PTPRD: variants seen among roughly 807,000 people sequenced by gnomAD.
PTPRD encodes receptor-type tyrosine-protein phosphatase delta.
Under a neutral mutation model 214.5 loss-of-function variants are expected in PTPRD, and 34 were observed. The observed-to-expected ratio is 0.16, with a 90% CI of 0.12 to 0.21. The LOEUF is 0.21. PTPRD is among the 10% of genes least tolerant of loss of function. PTPRD has a pLI of 1.00. For synonymous variants in PTPRD, 1,128 were observed against 845.7 expected (o/e 1.33, Z -5.79); for missense variants, 2,545 against 2,398.7 (o/e 1.06, Z -1.27).
At chr9:9,404,817 T>C (rs574531794) in intron 8 of PTPRD, among the ~76,000 whole-genome samples, 13 of 152,144 alleles carry the variant, frequency 8.5e-5, no homozygotes, top group African/African-American at 3.1e-4. Context: ...CGAGAAGTCC[T>C]GATATTAAGA....
intron 11 of PTPRD, among the ~76,000 whole-genome samples, chr9:8,812,219 G>T (rs925202093): frequency 6.6e-6 from 1 of 152,044 alleles, no homozygotes; most frequent in Non-Finnish European, 1.5e-5. Context: ...TTACCAAGCT[G>T]CTACATTATT....
At chr9:10,018,024 A>C (rs1417303660) in intron 4 of PTPRD, among the ~76,000 whole-genome samples, 3 of 152,278 alleles carry the variant, frequency 2.0e-5, no homozygotes, top group Middle Eastern at 3.4e-3. Context: ...TTTTAACAGC[A>C]TAAGTTAGTT....
chr9:10,464,601 G>C (rs983159147), intron 2 of PTPRD, among the ~76,000 whole-genome samples: 1 of 151,952 alleles, frequency 6.6e-6, no homozygotes, highest in Non-Finnish European at 1.5e-5. Context: ...CTATATCACA[G>C]ATTAAAAGGG....
At chr9:10,401,831 G>GC (rs1361906654) in intron 2 of PTPRD, among the ~76,000 whole-genome samples, 10 of 150,784 alleles carry the variant, frequency 6.6e-5, no homozygotes, top group Admixed American at 1.3e-4. Flanking sequence ...TAAATATGAG[G>GC]CTTTTTCCAA....
At chr9:8,804,756 T>C (rs1179701344) in intron 11 of PTPRD, among the ~76,000 whole-genome samples, 2 of 152,140 alleles carry the variant, frequency 1.3e-5, no homozygotes, top group Non-Finnish European at 2.9e-5. Flanking sequence ...GGCCACCTTT[T>C]AGTGTGCTGA....
intron 3 of PTPRD, among the ~76,000 whole-genome samples, chr9:10,240,346 C>A (rs1272051529): frequency 1.3e-5 from 2 of 151,710 alleles, no homozygotes; most frequent in Non-Finnish European, 1.5e-5. Context: ...TCAGCCATGA[C>A]CCTTATGATA....
intron 8 of PTPRD, among the ~76,000 whole-genome samples, chr9:9,477,431 A>G (rs1262537437): frequency 6.6e-6 from 1 of 152,206 alleles, no homozygotes; most frequent in Non-Finnish European, 1.5e-5. Context: ...AACTGGGACA[A>G]TAATATTAAA....
At chr9:9,585,789 T>C (rs2091835437) in intron 7 of PTPRD, among the ~76,000 whole-genome samples, 1 of 151,230 alleles carries the variant, frequency 6.6e-6, no homozygotes, top group Non-Finnish European at 1.5e-5. Flanking sequence ...GATTCAGCCA[T>C]GCATCATTTG....
chr9:8,815,305 G>C (rs1456077273), intron 11 of PTPRD, among the ~76,000 whole-genome samples: 1 of 152,014 alleles, frequency 6.6e-6, no homozygotes, highest in East Asian at 1.9e-4. Flanking sequence ...CACAGGGAAT[G>C]GTAGGCTACT....
At chr9:9,290,634 G>A (rs1054523386) in intron 9 of PTPRD, among the ~76,000 whole-genome samples, 4 of 151,118 alleles carry the variant, frequency 2.6e-5, no homozygotes, top group African/African-American at 7.3e-5. Flanking sequence ...TAATTTTAAC[G>A]TTAGAAAGCC....
chr9:9,074,842 A>C lies in PTPRD; in HGVS notation c.-142-56107T>G, dbSNP rs1022961643. ...TATAACATGTAAAATAATCAGTTTT[A>C]GAACAAATTTAGGTTTCATTCTGAG... is the stretch of plus-strand genomic sequence containing the variant. On this transcript the variant is annotated intron_variant, in intron 10 of 45. Transcript: ENST00000381196. Among the ~76,000 whole-genome samples, 11 of 152,006 alleles carry C rather than the reference A, an allele frequency of 7.2e-5. No homozygotes were observed. The South Asian group carries it at 2.3e-3, about 32-fold the overall frequency.
intron 8 of PTPRD, among the ~76,000 whole-genome samples, chr9:9,458,769 C>T (rs192727242): frequency 6.6e-6 from 1 of 152,056 alleles, no homozygotes; most frequent in Admixed American, 6.6e-5. Flanking sequence ...GTAGAAGCCC[C>T]ATCTGTACAA....
At chr9:9,093,045 C>T (rs927658368) in intron 10 of PTPRD, among the ~76,000 whole-genome samples, 7 of 151,830 alleles carry the variant, frequency 4.6e-5, no homozygotes, top group African/African-American at 7.3e-5. Flanking sequence ...AAAGCAGAAA[C>T]GGCTATACTA....
At chr9:8,454,446 G>C (rs2096096563) in intron 33 of PTPRD, 8 of 799,474 alleles carry the variant, frequency 1.0e-5, no homozygotes, top group Non-Finnish European at 1.7e-5. Flanking sequence ...GTATATGTAG[G>C]CTTTGCCCAT....
chr9:10,578,112 G>A (rs1243041855), intron 2 of PTPRD, among the ~76,000 whole-genome samples: 1 of 151,880 alleles, frequency 6.6e-6, no homozygotes, highest in Admixed American at 6.6e-5. Context: ...GTTTCACCTT[G>A]TTGGTTAGGT....
At chr9:8,919,266 A>G (rs1261837631) in intron 11 of PTPRD, among the ~76,000 whole-genome samples, 2 of 151,830 alleles carry the variant, frequency 1.3e-5, no homozygotes, top group Non-Finnish European at 2.9e-5. Context: ...GGTGGTGCAC[A>G]CCTGTAGTCC....
intron 31 of PTPRD, among the ~76,000 whole-genome samples, chr9:8,468,413 G>A (rs1173745764): frequency 2.0e-5 from 3 of 151,894 alleles, no homozygotes; most frequent in African/African-American, 4.8e-5. Context: ...CTAACATTCT[G>A]GGAGTCATTC....
chr9:9,290,093 C>G (rs1555182045), intron 9 of PTPRD, among the ~76,000 whole-genome samples: 1 of 151,556 alleles, frequency 6.6e-6, no homozygotes, highest in Non-Finnish European at 1.5e-5. Context: ...CAAGGGTTCC[C>G]TTTTTTCCAT....
chr9:9,442,395 T>C (rs186818841), intron 8 of PTPRD: 7 of 152,278 alleles, frequency 4.6e-5, no homozygotes, highest in Admixed American at 4.6e-4. Context: ...ACAGGTAACT[T>C]TTCATTCTAA....
Sources: allele counts gnomAD v4.1 joint callset (sites outside exome capture counted in the v4.1 genomes callset), GRCh38; gene constraint gnomAD v4.1.1; transcripts MANE v1.5; gene names NCBI Gene and HGNC (gene_info 2026-07-23, HGNC 2026-07-21).